Variants in MBOAT2 observed in about 807,000 individuals in gnomAD.
MBOAT2 encodes membrane bound glycerophospholipid O-acyltransferase 2, also known as membrane-bound glycerophospholipid O-acyltransferase 2.
A neutral mutation model predicts 63.4 loss-of-function variants in MBOAT2; 28 were observed. That is an observed-to-expected ratio of 0.44 (90% CI 0.33 to 0.61). MBOAT2 has a LOEUF of 0.61. Ranked by LOEUF, MBOAT2 falls within the 20% of genes least tolerant of loss-of-function variation. The probability of loss-of-function intolerance (pLI) is 0.03; values close to 1 mark genes in which losing one functional copy is unlikely to be tolerated. For missense variants in MBOAT2, 470 were observed against 605.8 expected (o/e 0.78, Z 2.35); for synonymous variants, 211 against 215.6 (o/e 0.98, Z 0.19).
intron 6 of MBOAT2, among the ~76,000 whole-genome samples, chr2:8,882,144 A>G (rs1051740480): frequency 6.6e-5 from 10 of 152,244 alleles, no homozygotes; most frequent in African/African-American, 2.4e-4. Flanking sequence ...CCATCAAGTT[A>G]TTGGCCTGTA....
At chr2:8,868,126 C>A (rs1332430119) in intron 9 of MBOAT2, among the ~76,000 whole-genome samples, 2 of 152,152 alleles carry the variant, frequency 1.3e-5, no homozygotes, top group Non-Finnish European at 2.9e-5. Flanking sequence ...TCTCTTCCCC[C>A]AAACACCTCA....
intron 4 of MBOAT2, among the ~76,000 whole-genome samples, chr2:8,900,276 C>T (rs1664815249): frequency 6.6e-6 from 1 of 152,186 alleles, no homozygotes; most frequent in Non-Finnish European, 1.5e-5. Flanking sequence ...GTCATTCTAT[C>T]ATTTACTTGA....
chr2:8,962,843 G>A (rs1669707658), intron 1 of MBOAT2, among the ~76,000 whole-genome samples: 1 of 151,902 alleles, frequency 6.6e-6, no homozygotes, highest in Admixed American at 6.6e-5. Context: ...GTAACAATGT[G>A]GAAGGAAAAA....
At chr2:8,892,024 A>T (rs915219138) in intron 4 of MBOAT2, among the ~76,000 whole-genome samples, 1 of 152,262 alleles carries the variant, frequency 6.6e-6, no homozygotes, top group African/African-American at 2.4e-5. Flanking sequence ...TGAAAAAGTT[A>T]AAAAATATAT....
chr2:8,899,252 A>G (rs1664726808), intron 4 of MBOAT2, among the ~76,000 whole-genome samples: 1 of 152,206 alleles, frequency 6.6e-6, no homozygotes, highest in Non-Finnish European at 1.5e-5. Flanking sequence ...GCTTTGGCTA[A>G]TATATCCCTC....
At chr2:8,922,363 G>A (rs1666639682) in intron 3 of MBOAT2, among the ~76,000 whole-genome samples, 1 of 152,178 alleles carries the variant, frequency 6.6e-6, no homozygotes, top group Non-Finnish European at 1.5e-5. Context: ...TCAATTGACT[G>A]CTGTTTTCCT....
At chr2:8,993,921 C>G (rs982007164) in intron 1 of MBOAT2, among the ~76,000 whole-genome samples, 1 of 152,206 alleles carries the variant, frequency 6.6e-6, no homozygotes, top group Non-Finnish European at 1.5e-5. Flanking sequence ...GTCAGTAACA[C>G]CCAAAACGCC....
intron 1 of MBOAT2, chr2:8,974,378 C>T (rs189016164): frequency 2.2e-6 from 1 of 456,422 alleles, no homozygotes. Context: ...GTGGACTCTG[C>T]CAGGTACGTG....
chr2:8,896,013 G>A (rs563767717), intron 4 of MBOAT2, among the ~76,000 whole-genome samples: 103 of 152,130 alleles, frequency 6.8e-4, no homozygotes, highest in African/African-American at 1.5e-3. Flanking sequence ...CGAGGCGGGC[G>A]GATCACGAGG....
chr2:8,895,460 A>G (rs541919564), intron 4 of MBOAT2, among the ~76,000 whole-genome samples: 254 of 152,278 alleles, frequency 1.7e-3, no homozygotes, highest in African/African-American at 5.7e-3. Flanking sequence ...GCTAGACACA[A>G]AAGTTCTCCA....
rs1447734712 is a variant in MBOAT2, at chr2:8,915,374, G to C, written c.300-6658C>G. Among the ~76,000 whole-genome samples the C allele has an allele frequency of 2.6e-5, 4 of 152,152 alleles. No individual in the cohort carries two copies. In the East Asian group the frequency reaches 7.7e-4, roughly 29 times the overall value. ...TTGCCATTCTCTCTACCTAGAATATGGATCTGATGGCTGCTGTAGCAGCCA... is the reference window on the plus strand; with the variant it reads ...TTGCCATTCTCTCTACCTAGAATATCGATCTGATGGCTGCTGTAGCAGCCA... On this transcript the variant is annotated intron_variant, in intron 3 of 12. Coordinates refer to ENST00000305997, the MANE Select transcript of MBOAT2 (RefSeq NM_138799.4).
At chr2:8,899,191 G>A (rs1354820497) in intron 4 of MBOAT2, among the ~76,000 whole-genome samples, 2 of 152,074 alleles carry the variant, frequency 1.3e-5, no homozygotes, top group Non-Finnish European at 1.5e-5. Flanking sequence ...TTCAAGTAGT[G>A]GACAACAAAT....
At chr2:8,936,911 C>T (rs915735184) in intron 3 of MBOAT2, among the ~76,000 whole-genome samples, 1 of 151,986 alleles carries the variant, frequency 6.6e-6, no homozygotes, top group Admixed American at 6.6e-5. Context: ...AACAGGCTTC[C>T]ACTCTTGAAT....
At chr2:8,979,142 T>C (rs1249448834) in intron 1 of MBOAT2, among the ~76,000 whole-genome samples, 3 of 152,300 alleles carry the variant, frequency 2.0e-5, no homozygotes, top group East Asian at 1.9e-4. Context: ...TATCAACTTA[T>C]GGATATGTTG....
intron 1 of MBOAT2, among the ~76,000 whole-genome samples, chr2:8,969,043 A>G (rs1346028846): frequency 1.3e-5 from 2 of 152,070 alleles, no homozygotes; most frequent in Non-Finnish European, 2.9e-5. Flanking sequence ...ACTCCTCGAG[A>G]AGTGCAACTC....
At chr2:8,948,125 T>C (rs1668553382) in intron 2 of MBOAT2, among the ~76,000 whole-genome samples, 1 of 152,154 alleles carries the variant, frequency 6.6e-6, no homozygotes, top group Admixed American at 6.5e-5. Flanking sequence ...GGTTCAAGAC[T>C]TCAGTGGAGG....
intron 1 of MBOAT2, among the ~76,000 whole-genome samples, chr2:8,959,392 A>C (rs1188287993): frequency 6.6e-6 from 1 of 152,164 alleles, no homozygotes; most frequent in Non-Finnish European, 1.5e-5. Context: ...CCTCCAAATA[A>C]AAAGACTGAA....
chr2:8,964,518 C>T (rs748831058), intron 1 of MBOAT2, among the ~76,000 whole-genome samples: 64 of 151,308 alleles, frequency 4.2e-4, no homozygotes, highest in Non-Finnish European at 7.6e-4. Flanking sequence ...TAAAACTGAA[C>T]GTAAGCTTCT....
At chr2:8,973,848 CATT>C (rs1420707135) in intron 1 of MBOAT2, among the ~76,000 whole-genome samples, 6 of 152,138 alleles carry the variant, frequency 3.9e-5, no homozygotes, top group Admixed American at 6.5e-5. Flanking sequence ...GCACACTAAA[CATT>C]GTTGGTGGAA....
Sources: allele counts gnomAD v4.1 joint callset (sites outside exome capture counted in the v4.1 genomes callset), GRCh38; gene constraint gnomAD v4.1.1; transcripts MANE v1.5; gene names NCBI Gene and HGNC (gene_info 2026-07-23, HGNC 2026-07-21).